ATG13: variants seen among roughly 807,000 people sequenced by gnomAD.
The protein encoded by ATG13 is autophagy related 13, also known as autophagy-related protein 13.
Under a neutral mutation model 65.5 loss-of-function variants are expected in ATG13, and 23 were observed. The ratio of observed to expected loss-of-function variants is 0.35; its 90% CI spans 0.25 to 0.50. ATG13 has a LOEUF of 0.50. Ranked by LOEUF, ATG13 falls within the 20% of genes least tolerant of loss-of-function variation. The pLI is 0.98. For missense variants in ATG13, 566 were observed against 677.0 expected, an observed-to-expected ratio of 0.84 and a Z score of 1.82; for synonymous variants, 252 against 245.2, an observed-to-expected ratio of 1.03 and a Z score of -0.26.
chr11:46,667,429 G>A (rs1044754830), intron 14 of ATG13, among the ~76,000 whole-genome samples: 6 of 152,210 alleles, frequency 3.9e-5, no homozygotes, highest in East Asian at 1.9e-4. Flanking sequence ...GATTGGGGGC[G>A]AGGAGAGGGG....
chr11:46,669,284 TCTCTCCCTAAGATAAGC>T, intron 17 of ATG13, 103 bp from the exon 18 acceptor site: 1 of 1,259,366 alleles, frequency 7.9e-7, no homozygotes, highest in Non-Finnish European at 1.1e-6. Flanking sequence ...TGTAAAGATT[TCTCTCCCTAAGATAAGC>T]CTGAAAGAAC....
chr11:46,634,545 C>G (rs1316042029), intron 2 of ATG13, among the ~76,000 whole-genome samples: 7 of 151,630 alleles, frequency 4.6e-5, no homozygotes, highest in East Asian at 3.9e-4. Context: ...TAGGCATGCA[C>G]CAACACACCC....
intron 14 of ATG13, 47 bp from the exon 15 acceptor site, chr11:46,667,726 C>G (rs373766823): frequency 8.9e-6 from 13 of 1,459,656 alleles, no homozygotes; most frequent in African/African-American, 1.4e-5. Flanking sequence ...ACTAAGTCGT[C>G]CTGCTGTGGT....
At chr11:46,668,356 C>CT in intron 15 of ATG13, 143 bp from the exon 16 acceptor site, 1 of 775,906 alleles carries the variant, frequency 1.3e-6, no homozygotes, top group Non-Finnish European at 2.1e-6. Context: ...TGGAGAGCCT[C>CT]TAACAAGGCA....
At chr11:46,653,454 G>T (rs545144343) in intron 7 of ATG13, among the ~76,000 whole-genome samples, 1 of 151,962 alleles carries the variant, frequency 6.6e-6, no homozygotes, top group Non-Finnish European at 1.5e-5. Flanking sequence ...GATTACAGGC[G>T]TGAGCCACCA....
chr11:46,641,885 C>T (rs952807080), intron 2 of ATG13, among the ~76,000 whole-genome samples: 1 of 152,028 alleles, frequency 6.6e-6, no homozygotes, highest in African/African-American at 2.4e-5. Flanking sequence ...GGCCATTCTC[C>T]CACCTCATCC....
Position 46,665,520 on chromosome 11 carries a change from G to T in ATG13, c.1136+1G>T, listed in dbSNP as rs762525711. ...ACTGTGCTGCCACACCCTCCAGTAG[G>T]TGAGTTCACATTTTGGCTCTGTCTC... On this transcript the variant is annotated splice_donor_variant, in intron 14 of 18. Coordinates refer to ENST00000683050, the MANE Select transcript of ATG13 (RefSeq NM_001346311.2). LOFTEE classifies it high-confidence loss of function. 6.2e-7 allele frequency: 1 copy of T among 1,614,008 alleles called. No homozygotes were observed. Among genetic ancestry groups the T allele is most frequent in the South Asian group, 1.1e-5 (1 of 91,068 alleles).
chr11:46,650,111 A>G (rs2058601504), intron 6 of ATG13, 66 bp from the exon 7 acceptor site: 1 of 1,545,510 alleles, frequency 6.5e-7, no homozygotes. Flanking sequence ...TCTTAATAAT[A>G]AATTTGGTCT....
chr11:46,667,648 T>C (rs770064799), intron 14 of ATG13, 125 bp from the exon 15 acceptor site: 9 of 583,472 alleles, frequency 1.5e-5, no homozygotes, highest in Admixed American at 3.0e-5. Flanking sequence ...CCATCTCCCA[T>C]TGATGGGCCA....
chr11:46,646,056 C>G, intron 5 of ATG13, 67 bp downstream of exon 5: 1 of 1,590,296 alleles, frequency 6.3e-7, no homozygotes, highest in Non-Finnish European at 8.6e-7. Context: ...GAGTCCAGTT[C>G]ATTTCTCAGT....
At chr11:46,633,413 A>G (rs1287879011) in intron 2 of ATG13, among the ~76,000 whole-genome samples, 1 of 151,256 alleles carries the variant, frequency 6.6e-6, no homozygotes, top group East Asian at 1.9e-4. Context: ...CAATGGCGCA[A>G]TCTTGGCTCG....
intron 14 of ATG13, among the ~76,000 whole-genome samples, chr11:46,667,354 G>A (rs147220752): frequency 7.5e-4 from 115 of 152,338 alleles, no homozygotes; most frequent in African/African-American, 2.6e-3. Context: ...AAAGGCTGGG[G>A]AAGGAGGGAG....
intron 7 of ATG13, among the ~76,000 whole-genome samples, chr11:46,655,731 T>C (rs984968654): frequency 6.6e-6 from 1 of 152,158 alleles, no homozygotes; most frequent in Non-Finnish European, 1.5e-5. Context: ...TCCACTTAAT[T>C]ATTATTTTCC....
intron 2 of ATG13, among the ~76,000 whole-genome samples, chr11:46,634,624 A>C (rs1406467634): frequency 6.6e-6 from 1 of 151,046 alleles, no homozygotes; most frequent in Non-Finnish European, 1.5e-5. Flanking sequence ...CAAACTCCTG[A>C]CCTCAAGTAA....
Position 46,637,860 on chromosome 11 carries a change from AG to A in ATG13, c.-13-6416del, listed in dbSNP as rs1218898722. 5.3e-5 allele frequency among the ~76,000 whole-genome samples: 8 copies of A among 152,292 alleles called. No homozygotes were observed. The South Asian group carries it at 1.7e-3, about 32-fold the overall frequency. ...AGCTGGCGGCAGGCTGACTAGAAGC[AG>A]GGCATCCTGTGTGATTGGTTAGGAG... On this transcript the variant is annotated intron_variant, in intron 2 of 18. Coordinates refer to ENST00000683050, the MANE Select transcript of ATG13 (RefSeq NM_001346311.2).
intron 1 of ATG13, chr11:46,629,824 G>T (rs1356183558): frequency 2.0e-5 from 3 of 152,002 alleles, no homozygotes; most frequent in African/African-American, 7.3e-5. Flanking sequence ...ACAAATTTCT[G>T]GTTAAACATG....
Position 46,644,392 on chromosome 11 carries a change from G to A in ATG13, c.69+32G>A, listed in dbSNP as rs748354792. ...TGTCCATTCTCTTGAGCCTAGAACT[G>A]TTAGAAATAACTTCCGTGCTTCTCC... is the stretch of plus-strand genomic sequence containing the variant. On this transcript the variant is annotated intron_variant, in intron 3 of 18. Transcript: ENST00000683050. 7 of 1,541,490 alleles carry A rather than the reference G, an allele frequency of 4.5e-6. No individual in the cohort carries two copies. The South Asian group carries it at 7.2e-5, about 16-fold the overall frequency.
chr11:46,633,574 T>A (rs1433659194), intron 2 of ATG13, among the ~76,000 whole-genome samples: 3 of 152,078 alleles, frequency 2.0e-5, no homozygotes, highest in Non-Finnish European at 4.4e-5. Flanking sequence ...CTTGAATTCC[T>A]GACCTTAGGT....
intron 5 of ATG13, 38 bp from the exon 6 acceptor site, chr11:46,649,099 T>G (rs759567335): frequency 4.4e-6 from 7 of 1,583,692 alleles, no homozygotes; most frequent in Admixed American, 1.7e-5. Context: ...AAATTAAAAA[T>G]TTTTTAAACA....
Sources: allele counts gnomAD v4.1 joint callset (sites outside exome capture counted in the v4.1 genomes callset), GRCh38; gene constraint gnomAD v4.1.1; transcripts MANE v1.5; gene names NCBI Gene and HGNC (gene_info 2026-07-23, HGNC 2026-07-21).